The following L3MBTL4 variants were observed in gnomAD, a reference collection of about 807,000 sequenced individuals.
The protein encoded by L3MBTL4 is L3MBTL histone methyl-lysine binding protein 4.
Under a neutral mutation model 84.5 loss-of-function variants are expected in L3MBTL4, and 70 were observed. The ratio of observed to expected loss-of-function variants is 0.83; its 90% CI spans 0.68 to 1.01. The LOEUF is 1.01. Ranked by LOEUF, L3MBTL4 falls within the 50% of genes least tolerant of loss-of-function variation. The probability of loss-of-function intolerance (pLI) is 0.00; values close to 1 mark genes in which losing one functional copy is unlikely to be tolerated. For synonymous variants in L3MBTL4, 274 were observed against 259.8 expected, an observed-to-expected ratio of 1.05 and a Z score of -0.52; for missense variants, 715 against 754.8, an observed-to-expected ratio of 0.95 and a Z score of 0.62.
At chr18:6,211,834 A>G (rs1316084441) in intron 12 of L3MBTL4, among the ~76,000 whole-genome samples, 1 of 152,102 alleles carries the variant, frequency 6.6e-6, no homozygotes, top group Non-Finnish European at 1.5e-5. Flanking sequence ...TTTTTAGTAG[A>G]GATGGAGTTT....
intron 1 of L3MBTL4, among the ~76,000 whole-genome samples, chr18:6,375,779 G>A (rs1297135394): frequency 6.6e-6 from 1 of 152,166 alleles, no homozygotes; most frequent in Non-Finnish European, 1.5e-5. Context: ...CCTGGTGACA[G>A]AACAGACATG....
intron 16 of L3MBTL4, among the ~76,000 whole-genome samples, chr18:6,020,177 C>T (rs374583331): frequency 4.6e-5 from 7 of 152,208 alleles, no homozygotes; most frequent in African/African-American, 1.7e-4. Context: ...ACCAGCAAAG[C>T]TCCTTTTCAT....
intron 16 of L3MBTL4, among the ~76,000 whole-genome samples, chr18:6,079,142 G>A (rs1277341208): frequency 6.6e-6 from 1 of 152,078 alleles, no homozygotes; most frequent in African/African-American, 2.4e-5. Context: ...GCTACAGACC[G>A]GTCTGTAGCC....
chr18:6,412,876 G>A (rs1244737363), intron 1 of L3MBTL4, among the ~76,000 whole-genome samples: 1 of 151,538 alleles, frequency 6.6e-6, no homozygotes, highest in East Asian at 1.9e-4. Context: ...AAATATGCAA[G>A]CTTACTTCTC....
intron 16 of L3MBTL4, 91 bp downstream of exon 16, chr18:6,080,790 G>T: frequency 2.1e-6 from 2 of 932,660 alleles, no homozygotes; most frequent in Non-Finnish European, 3.2e-6. Context: ...ACCATTCCCT[G>T]TTGGAATGAT....
intron 1 of L3MBTL4, among the ~76,000 whole-genome samples, chr18:6,328,200 TATAGTAG>T (rs1429104897): frequency 6.6e-6 from 1 of 152,200 alleles, no homozygotes; most frequent in Non-Finnish European, 1.5e-5. Flanking sequence ...CTGGCTACAT[TATAGTAG>T]CAAAGCATGT....
rs1175060464 is a variant in L3MBTL4, at chr18:6,171,996, C to T, written c.982-54G>A. On this transcript the variant is annotated intron_variant, in intron 12 of 18. Coordinates refer to ENST00000317931, the MANE Select transcript of L3MBTL4 (RefSeq NM_001330559.2). The stretch of plus-strand genomic sequence containing the variant: ...ATTTAGTAATTAGGATTTCACTATT[C>T]CTGTATCAAAATATTTGAATACAGA... 14 of 836,290 alleles carry T rather than the reference C, an allele frequency of 1.7e-5. No individual in the cohort carries two copies. In the East Asian group the frequency reaches 3.7e-4, roughly 22 times the overall value. 51.8% of individuals were successfully genotyped at this position (836,290 alleles called of 1,614,324 possible). A position where few individuals can be genotyped will look rare whatever the true frequency, so the allele number is the denominator to read the frequency against.
chr18:6,143,234 C>T (rs902746254), intron 13 of L3MBTL4, among the ~76,000 whole-genome samples: 1 of 152,098 alleles, frequency 6.6e-6, no homozygotes, highest in Non-Finnish European at 1.5e-5. Flanking sequence ...TTTATCAATG[C>T]ATATTTATCT....
intron 4 of L3MBTL4, among the ~76,000 whole-genome samples, chr18:6,277,508 A>T (rs982597805): frequency 3.9e-5 from 6 of 152,080 alleles, no homozygotes; most frequent in African/African-American, 1.4e-4. Context: ...TTACTATACC[A>T]CCAGAACGTT....
At chr18:6,376,142 G>A (rs1386261875) in intron 1 of L3MBTL4, among the ~76,000 whole-genome samples, 2 of 152,172 alleles carry the variant, frequency 1.3e-5, no homozygotes, top group Non-Finnish European at 2.9e-5. Context: ...ACTGGCAACA[G>A]TGGCCCTCCC....
At chr18:6,179,798 AT>A (rs1199400219) in intron 12 of L3MBTL4, among the ~76,000 whole-genome samples, 1 of 152,030 alleles carries the variant, frequency 6.6e-6, no homozygotes, top group Non-Finnish European at 1.5e-5. Flanking sequence ...ACACCACTCA[AT>A]TATTTTATTT....
intron 16 of L3MBTL4, among the ~76,000 whole-genome samples, chr18:5,984,762 T>A (rs1429307663): frequency 6.6e-6 from 1 of 152,236 alleles, no homozygotes; most frequent in Non-Finnish European, 1.5e-5. Flanking sequence ...AGAGTGAATC[T>A]GAATGTTGTT....
intron 3 of L3MBTL4, among the ~76,000 whole-genome samples, chr18:6,303,670 C>T (rs2050442118): frequency 6.6e-6 from 1 of 152,068 alleles, no homozygotes; most frequent in South Asian, 2.1e-4. Flanking sequence ...TGAAAAGCCC[C>T]ACATCTGGGG....
chr18:6,029,838 C>T (rs1047961824), intron 16 of L3MBTL4: 9 of 985,092 alleles, frequency 9.1e-6, no homozygotes, highest in South Asian at 9.4e-5. Flanking sequence ...GAGGAAATGC[C>T]GAAAAGGATT....
chr18:6,392,326 A>C (rs985350244), intron 1 of L3MBTL4, among the ~76,000 whole-genome samples: 1 of 152,230 alleles, frequency 6.6e-6, no homozygotes, highest in Admixed American at 6.5e-5. Flanking sequence ...AGGTGGGTGG[A>C]TCACTTGAGA....
intron 15 of L3MBTL4, among the ~76,000 whole-genome samples, chr18:6,084,135 T>A (rs1430149976): frequency 2.0e-5 from 3 of 152,198 alleles, no homozygotes; most frequent in Non-Finnish European, 4.4e-5. Flanking sequence ...AGAACTAGGA[T>A]TTGAATTTAA....
chr18:6,049,473 A>G (rs2056762399), intron 16 of L3MBTL4, among the ~76,000 whole-genome samples: 1 of 152,302 alleles, frequency 6.6e-6, no homozygotes, highest in South Asian at 2.1e-4. Flanking sequence ...ACATACAAGT[A>G]CCCATCAACA....
At chr18:6,124,757 G>A (rs1319204961) in intron 14 of L3MBTL4, among the ~76,000 whole-genome samples, 2 of 152,134 alleles carry the variant, frequency 1.3e-5, no homozygotes, top group Admixed American at 1.3e-4. Flanking sequence ...AAGAAATAAG[G>A]AGGAAATTGA....
At chr18:6,370,167 C>G (rs1037267793) in intron 1 of L3MBTL4, among the ~76,000 whole-genome samples, 3 of 151,060 alleles carry the variant, frequency 2.0e-5, no homozygotes, top group Non-Finnish European at 2.9e-5. Flanking sequence ...AAGCACTGAC[C>G]TGGCTTACTA....
Sources: allele counts gnomAD v4.1 joint callset (sites outside exome capture counted in the v4.1 genomes callset), GRCh38; gene constraint gnomAD v4.1.1; transcripts MANE v1.5; gene names NCBI Gene and HGNC (gene_info 2026-07-23, HGNC 2026-07-21).